The following CCL22 variants were observed in gnomAD, a reference collection of about 807,000 sequenced individuals.
The protein encoded by CCL22 is C-C motif chemokine ligand 22.
CCL22 carries 7 observed loss-of-function variants against 7.6 expected under a neutral mutation model. The observed-to-expected ratio is 0.92, with a 90% CI of 0.52 to 1.72. The LOEUF (loss-of-function observed/expected upper bound fraction) is 1.72, where lower values mean the gene tolerates loss of function less well. CCL22 is among the 40% of genes most tolerant of loss of function. The pLI is 0.00. For synonymous variants in CCL22, 55 were observed against 47.2 expected (o/e 1.17, Z -0.68); for missense variants, 115 against 124.7 (o/e 0.92, Z 0.37).
chr16:57,358,859 C>G lies in CCL22; in HGVS notation c.43C>G (p.Leu15Val). Residue 15 changes from leucine (L) to valine (V), a missense_variant, in exon 1 of 3, where the codon CTT (leucine) becomes GTT (valine). By Grantham distance (32) the Leu-to-Val change is conservative (BLOSUM62 1). Transcript: ENST00000219235. ...QTALLVVLVLLAVALQATEAG... is the reference protein window; with the variant it reads ...QTALLVVLVLVAVALQATEAG... ...TGCACTCCTGGTTGTCCTCGTCCTCCTTGCTGTGGCGCTTCAAGCAACTGA... is the reference window on the plus strand; with the variant it reads ...TGCACTCCTGGTTGTCCTCGTCCTCGTTGCTGTGGCGCTTCAAGCAACTGA... 1.2e-6 allele frequency: 2 copies of G among 1,613,896 alleles called. No individual in the cohort carries two copies. Among genetic ancestry groups the G allele is most frequent in the Non-Finnish European group, 1.7e-6 (2 of 1,179,948 alleles).
At chr16:57,360,768 T>C (rs1226869850) in intron 2 of CCL22, among the ~76,000 whole-genome samples, 3 of 152,226 alleles carry the variant, frequency 2.0e-5, no homozygotes, top group Non-Finnish European at 2.9e-5. Flanking sequence ...GTTTAGCCAA[T>C]ATCCTCAGGC....
chr16:57,360,389 A>G (rs768058979), intron 1 of CCL22, 48 bp from the exon 2 acceptor site: 2 of 1,590,510 alleles, frequency 1.3e-6, no homozygotes, highest in Admixed American at 1.7e-5. Flanking sequence ...GCCGAGGGTG[A>G]CCTCTCTGGG....
chr16:57,363,449 C>T (rs1902070770), intron 2 of CCL22, 55 bp from the exon 3 acceptor site: 8 of 1,179,944 alleles, frequency 6.8e-6, no homozygotes, highest in Non-Finnish European at 1.0e-5. Flanking sequence ...GAGGGTGTGG[C>T]ATCCTTGCTG....
In CCL22 at chr16:57,363,565, A is replaced by T. The variant is rs1473873598; in HGVS notation, c.259A>T (p.Ile87Phe). 78 of 1,613,270 alleles carry T rather than the reference A, an allele frequency of 4.8e-5. No individual in the cohort carries two copies. The highest frequency in any genetic ancestry group is 6.6e-5 in the Non-Finnish European group (78 of 1,179,486). ...TCCCAGAGTGCCCTGGGTGAAGATG[A>T]TTCTCAATAAGCTGAGCCAATGAAG... is the stretch of plus-strand genomic sequence containing the variant. ...ADPRVPWVKM[I>F]LNKLSQ The change falls in exon 3 of 3, where the codon ATT (isoleucine) becomes TTT (phenylalanine). Residue 87 changes from isoleucine (I) to phenylalanine (F), a missense_variant. By Grantham distance (21) the Ile-to-Phe change is conservative (BLOSUM62 0). Transcript: ENST00000219235.
intron 1 of CCL22, among the ~76,000 whole-genome samples, chr16:57,360,094 G>T (rs896554063): frequency 2.6e-5 from 4 of 152,174 alleles, no homozygotes; most frequent in Non-Finnish European, 1.5e-5. Flanking sequence ...CTTTCTGAGT[G>T]CTTTTCATGC....
At position 57,363,669 on chromosome 16, in the gene CCL22, C is replaced by G. The variant is rs1902074173; in HGVS notation, c.*81C>G. 2 of 838,872 alleles carry G rather than the reference C, an allele frequency of 2.4e-6. No individual in the cohort carries two copies. Among genetic ancestry groups the G allele is most frequent in the African/African-American group, 1.7e-5 (1 of 59,670 alleles). The allele number at this position is 838,872 out of a possible 1,614,324, so 52.0% of individuals were successfully genotyped here. A position where few individuals can be genotyped will look rare whatever the true frequency, so the allele number is the denominator to read the frequency against. On this transcript the variant is annotated 3_prime_UTR_variant, in exon 3 of 3. Coordinates refer to ENST00000219235, the MANE Select transcript of CCL22 (RefSeq NM_002990.5). ...ACCTCCCTGCCATTATAGCTGCTCC[C>G]CGCCAGAAGCCTGTGCCAACTCTCT... is the stretch of plus-strand genomic sequence containing the variant.
chr16:57,363,556 G>C lies in CCL22; in HGVS notation c.250G>C (p.Val84Leu). 1 of 1,613,762 alleles carries C rather than the reference G, an allele frequency of 6.2e-7. No homozygotes were observed. Among genetic ancestry groups the C allele is most frequent in the Non-Finnish European group, 8.5e-7 (1 of 1,179,762 alleles). The change falls in exon 3 of 3, where the codon GTG (valine) becomes CTG (leucine). Residue 84 changes from valine to leucine, a missense_variant. Val to Leu is a conservative substitution (Grantham distance 32). Transcript: ENST00000219235. ...CTGTGCCGATCCCAGAGTGCCCTGGGTGAAGATGATTCTCAATAAGCTGAG... is the reference window on the plus strand; with the variant it reads ...CTGTGCCGATCCCAGAGTGCCCTGGCTGAAGATGATTCTCAATAAGCTGAG... ...EICADPRVPWVKMILNKLSQ is the reference protein window; with the variant it reads ...EICADPRVPWLKMILNKLSQ
chr16:57,361,087 C>T (rs1244652639), intron 2 of CCL22, among the ~76,000 whole-genome samples: 1 of 151,960 alleles, frequency 6.6e-6, no homozygotes, highest in African/African-American at 2.4e-5. Context: ...TGGTGAAACC[C>T]CATCTCTACT....
rs758852473 is a variant in CCL22 at position 57,358,802 on chromosome 16, CAT to C, written c.-13_-12del. On this transcript the variant is annotated 5_prime_UTR_variant, in exon 1 of 3. Coordinates refer to ENST00000219235, the MANE Select transcript of CCL22 (RefSeq NM_002990.5). ...CCCTTTGCAGACACCTGGGCTGAGACATACAGGACAGAGCATGGATCGCCTAC... is the reference window on the plus strand; with the variant it reads ...CCCTTTGCAGACACCTGGGCTGAGACACAGGACAGAGCATGGATCGCCTAC... 1.2e-6 allele frequency: 2 copies of C among 1,602,622 alleles called. No homozygotes were observed. Among genetic ancestry groups the C allele is most frequent in the South Asian group, 2.2e-5 (2 of 90,836 alleles).
chr16:57,361,096 C>G (rs1294666269), intron 2 of CCL22, among the ~76,000 whole-genome samples: 2 of 151,960 alleles, frequency 1.3e-5, no homozygotes, highest in East Asian at 3.9e-4. Flanking sequence ...CCCATCTCTA[C>G]TAAAAATACA....
rs184102875 is a variant in CCL22, at chr16:57,361,364, G to C, written c.197+804G>C. Among the ~76,000 whole-genome samples, 434 of 151,896 alleles carry C rather than the reference G, an allele frequency of 2.9e-3. 3 individuals are homozygous for C. In the Middle Eastern group the frequency reaches 0.045, roughly 16 times the overall value. ...ATTTTGACCAGAAGAATAACATTAA[G>C]AGCTAAAATTTCCAAGGTGCCTCCC... On this transcript the variant is annotated intron_variant, in intron 2 of 2. Transcript: ENST00000219235.
chr16:57,358,433 C>A (rs1902011828), upstream of CCL22, among the ~76,000 whole-genome samples: 1 of 152,222 alleles, frequency 6.6e-6, no homozygotes, highest in African/African-American at 2.4e-5. Flanking sequence ...GTGAAGTCAA[C>A]AGAGCTGTGA....
chr16:57,360,351 C>A, intron 1 of CCL22, 86 bp from the exon 2 acceptor site: 1 of 1,520,956 alleles, frequency 6.6e-7, no homozygotes, highest in Admixed American at 1.8e-5. Context: ...TTTCCTGGAG[C>A]CTGGAGAGGC....
At position 57,364,806 on chromosome 16, in the gene CCL22, C is replaced by CTTT. The variant is rs34460030; in HGVS notation, c.*1230_*1232dup. 4.2e-5 allele frequency: 5 copies of CTTT among 119,054 alleles called. No homozygotes were observed. Among genetic ancestry groups the CTTT allele is most frequent in the Non-Finnish European group, 6.7e-5 (4 of 59,496 alleles). 7.4% of individuals were successfully genotyped at this position (119,054 alleles called of 1,614,324 possible). A position where few individuals can be genotyped will look rare whatever the true frequency, so the allele number is the denominator to read the frequency against. ...TTCCCTCTCCCCACCCCCCCCCCAA[C>CTTT]TTTTTTTTTTTTTTATGGCAGGGTC... is the stretch of plus-strand genomic sequence containing the variant. On this transcript the variant is annotated 3_prime_UTR_variant, in exon 3 of 3. Coordinates refer to ENST00000219235, the MANE Select transcript of CCL22 (RefSeq NM_002990.5).
chr16:57,358,596 G>C (rs1426839487), upstream of CCL22, among the ~76,000 whole-genome samples: 2 of 45,312 alleles, frequency 4.4e-5, no homozygotes, highest in African/African-American at 7.5e-5. Flanking sequence ...ACAGAGTTGA[G>C]GGGGGGTCCC....
In CCL22 at chr16:57,363,491, C is replaced by T; in HGVS notation, c.198-13C>T. 2 of 1,593,238 alleles carry T rather than the reference C, an allele frequency of 1.3e-6. No individual in the cohort carries two copies. The highest frequency in any genetic ancestry group is 1.7e-6 in the Non-Finnish European group (2 of 1,161,352). ...AATGTTGCTGCATTGTCTCTGGGGTCTCCTTCTTCCAGGTTGCTAACCTTC... is the reference window on the plus strand; with the variant it reads ...AATGTTGCTGCATTGTCTCTGGGGTTTCCTTCTTCCAGGTTGCTAACCTTC... On this transcript the variant is annotated splice_polypyrimidine_tract_variant and intron_variant, in intron 2 of 2. Transcript: ENST00000219235.
intron 2 of CCL22, 44 bp from the exon 3 acceptor site, chr16:57,363,460 C>T (rs113901886): frequency 1.8e-5 from 23 of 1,308,824 alleles, no homozygotes; most frequent in African/African-American, 1.3e-4. Context: ...ATCCTTGCTG[C>T]GTGCTAATGT....
At chr16:57,362,971 C>T (rs1209076239) in intron 2 of CCL22, among the ~76,000 whole-genome samples, 1 of 152,080 alleles carries the variant, frequency 6.6e-6, no homozygotes, top group Non-Finnish European at 1.5e-5. Context: ...GCTGAGGGTC[C>T]TGGAAGTCCT....
At chr16:57,358,079 C>G (rs1183967760), upstream of CCL22, among the ~76,000 whole-genome samples, 2 of 152,054 alleles carry the variant, frequency 1.3e-5, no homozygotes, top group African/African-American at 4.8e-5. Context: ...TGGGCAGGAA[C>G]AGTGGGGTTG....
Sources: gnomAD v4.1 joint callset for allele counts (sites outside exome capture counted in the v4.1 genomes callset) on GRCh38, gnomAD v4.1.1 for gene constraint, MANE v1.5 for transcripts, NCBI Gene and HGNC (gene_info 2026-07-23, HGNC 2026-07-21) for gene names.